The following CDCA4 variants were observed in gnomAD, a reference collection of about 807,000 sequenced individuals.
The protein encoded by CDCA4 is cell division cycle associated 4, also known as cell division cycle-associated protein 4.
For synonymous variants in CDCA4, 130 were observed against 137.0 expected (o/e 0.95, Z 0.36); for missense variants, 294 against 322.1 (o/e 0.91, Z 0.67).
chr14:105,015,811 T>G (rs529549982), intron 1 of CDCA4, among the ~76,000 whole-genome samples: 9 of 152,214 alleles, frequency 5.9e-5, no homozygotes, highest in African/African-American at 1.9e-4. Context: ...ATTACAAGGG[T>G]GTACCACCAG....
chr14:105,020,618 C>A (rs1410177001), intron 1 of CDCA4, among the ~76,000 whole-genome samples: 1 of 152,220 alleles, frequency 6.6e-6, no homozygotes, highest in Non-Finnish European at 1.5e-5. Flanking sequence ...CCTGGCGTTC[C>A]CTCCGCTGCA....
At chr14:105,016,343 T>C (rs1165795130) in intron 1 of CDCA4, among the ~76,000 whole-genome samples, 2 of 152,192 alleles carry the variant, frequency 1.3e-5, no homozygotes, top group Non-Finnish European at 2.9e-5. Context: ...CTACTGACAA[T>C]TTTCCCAATC....
At chr14:105,015,825 T>C (rs1900637867) in intron 1 of CDCA4, among the ~76,000 whole-genome samples, 1 of 152,216 alleles carries the variant, frequency 6.6e-6, no homozygotes, top group African/African-American at 2.4e-5. Context: ...CCACCAGGCC[T>C]GGCTAATTTT....
chr14:105,012,740 C>G (rs1026977737), intron 1 of CDCA4, among the ~76,000 whole-genome samples: 7 of 152,192 alleles, frequency 4.6e-5, no homozygotes, highest in Admixed American at 2.0e-4. Flanking sequence ...TTGGCTCCCC[C>G]CACCCGCCCC....
At chr14:105,013,824 G>C in intron 1 of CDCA4, among the ~76,000 whole-genome samples, 1 of 152,100 alleles carries the variant, frequency 6.6e-6, no homozygotes. Context: ...TGACCTCTTG[G>C]GCATTTATCC....
At position 105,010,784 on chromosome 14, in the gene CDCA4, A is replaced by G. The variant is rs1595451622; in HGVS notation, c.*420T>C. The G allele has an allele frequency of 1.2e-5, 2 of 167,350 alleles. No individual in the cohort carries two copies. The highest frequency in any genetic ancestry group is 4.7e-5 in the African/African-American group (2 of 42,156). The allele number at this position is 167,350 out of a possible 1,614,324, so 10.4% of individuals were successfully genotyped here. A position where few individuals can be genotyped will look rare whatever the true frequency, so the allele number is the denominator to read the frequency against. On this transcript the variant is annotated 3_prime_UTR_variant, in exon 2 of 2. Coordinates refer to ENST00000336219, the MANE Select transcript of CDCA4 (RefSeq NM_017955.4). ...TACTTTTAAGAAAATAGCTGAAAAAATCTAAAGAGATAAGGTATAAAAAGT... is the reference window on the plus strand; with the variant it reads ...TACTTTTAAGAAAATAGCTGAAAAAGTCTAAAGAGATAAGGTATAAAAAGT...
rs1221840604 is a variant in CDCA4, at chr14:105,010,387, A to G, written c.*817T>C. 6.6e-6 allele frequency: 1 copy of G among 152,324 alleles called. No individual in the cohort carries two copies. Among genetic ancestry groups the G allele is most frequent in the Non-Finnish European group, 1.5e-5 (1 of 68,044 alleles). 9.4% of individuals were successfully genotyped at this position (152,324 alleles called of 1,614,324 possible). A position where few individuals can be genotyped will look rare whatever the true frequency, so the allele number is the denominator to read the frequency against. On this transcript the variant is annotated 3_prime_UTR_variant, in exon 2 of 2. Coordinates refer to ENST00000336219, the MANE Select transcript of CDCA4 (RefSeq NM_017955.4). ...GGGGCTATGAGGTCCCTGAAGACCA[A>G]CTGGTGCCTGTGATCTACAAACAGA... is the stretch of plus-strand genomic sequence containing the variant.
chr14:105,020,586 C>T (rs1886204327), intron 1 of CDCA4, among the ~76,000 whole-genome samples: 2 of 152,330 alleles, frequency 1.3e-5, no homozygotes, highest in Admixed American at 1.3e-4. Context: ...GGCCGGGCTC[C>T]GACAGAGGGG....
At chr14:105,020,255 G>A (rs1472582379) in intron 1 of CDCA4, among the ~76,000 whole-genome samples, 1 of 152,244 alleles carries the variant, frequency 6.6e-6, no homozygotes, top group African/African-American at 2.4e-5. Context: ...TTTGTGAACA[G>A]GCAATGTTTT....
chr14:105,011,192 C>T lies in CDCA4; in HGVS notation c.*12G>A, dbSNP rs757295904. 1.9e-6 allele frequency: 3 copies of T among 1,596,084 alleles called. No homozygotes were observed. Among genetic ancestry groups the T allele is most frequent in the Non-Finnish European group, 8.5e-7 (1 of 1,170,874 alleles). The stretch of plus-strand genomic sequence containing the variant: ...TGCGTCAGAGGCGGCTGTGAGCACT[C>T]AGGGCTCCTGCTCAGGTCTCCACCA... On this transcript the variant is annotated 3_prime_UTR_variant, in exon 2 of 2. Coordinates refer to ENST00000336219, the MANE Select transcript of CDCA4 (RefSeq NM_017955.4).
At chr14:105,014,097 A>G (rs1900580266) in intron 1 of CDCA4, among the ~76,000 whole-genome samples, 1 of 152,164 alleles carries the variant, frequency 6.6e-6, no homozygotes, top group South Asian at 2.1e-4. Context: ...ATGGGATCCC[A>G]TTTATGCCAC....
At position 105,015,857 on chromosome 14, in the gene CDCA4, C is replaced by G. The variant is rs556178336; in HGVS notation, c.-6-3922G>C. Among the ~76,000 whole-genome samples, 5 of 152,278 alleles carry G rather than the reference C, an allele frequency of 3.3e-5. No individual in the cohort carries two copies. In the South Asian group the frequency reaches 1.0e-3, roughly 32 times the overall value. ...TTTTTATATTTTCAGTAGAGACTTA[C>G]CATGTTGGTCAGGCTGGTCTCAAAA... On this transcript the variant is annotated intron_variant, in intron 1 of 1. Transcript: ENST00000336219.
intron 1 of CDCA4, among the ~76,000 whole-genome samples, chr14:105,015,013 C>A (rs538339979): frequency 6.6e-5 from 10 of 152,166 alleles, no homozygotes; most frequent in Admixed American, 6.5e-4. Context: ...CTGAGCAGGG[C>A]AATCAGGGCA....
At chr14:105,012,024 A>G (rs1900520170) in intron 1 of CDCA4, 89 bp from the exon 2 acceptor site, 1 of 1,452,372 alleles carries the variant, frequency 6.9e-7, no homozygotes, top group African/African-American at 1.4e-5. Flanking sequence ...CCCTCACTGT[A>G]CGCAAGGAGC....
chr14:105,009,798 C>G lies in CDCA4; in HGVS notation c.*1406G>C, dbSNP rs952774831. The G allele has an allele frequency of 6.6e-6, 1 of 152,088 alleles. No individual in the cohort carries two copies. The highest frequency in any genetic ancestry group is 2.1e-4 in the South Asian group (1 of 4,828). The allele number at this position is 152,088 out of a possible 1,614,324, so 9.4% of individuals were successfully genotyped here. A position where few individuals can be genotyped will look rare whatever the true frequency, so the allele number is the denominator to read the frequency against. On this transcript the variant is annotated 3_prime_UTR_variant, in exon 2 of 2. Transcript: ENST00000336219. ...CTGTGGGGGGGGGAAATAAAAGTAA[C>G]CCAGCGTCCATTTAATGCAGCCAAG...
chr14:105,019,339 G>A (rs911601805), intron 1 of CDCA4, among the ~76,000 whole-genome samples: 1 of 152,152 alleles, frequency 6.6e-6, no homozygotes, highest in South Asian at 2.1e-4. Context: ...GTACAGCTCG[G>A]GGACTGGTCC....
chr14:105,020,839 C>G (rs921718599), intron 1 of CDCA4, among the ~76,000 whole-genome samples, 160 bp downstream of exon 1: 1 of 151,784 alleles, frequency 6.6e-6, no homozygotes, highest in Non-Finnish European at 1.5e-5. Flanking sequence ...GCGGCGAGGG[C>G]GCCGCGGCAG....
At chr14:105,018,588 A>C (rs1481788491) in intron 1 of CDCA4, among the ~76,000 whole-genome samples, 2 of 152,094 alleles carry the variant, frequency 1.3e-5, no homozygotes, top group Non-Finnish European at 2.9e-5. Context: ...CATGGTCTTA[A>C]CCAGCCCCGA....
chr14:105,011,058 C>T lies in CDCA4; in HGVS notation c.*146G>A. 1 of 981,484 alleles carries T rather than the reference C, an allele frequency of 1.0e-6. No individual in the cohort carries two copies. Among genetic ancestry groups the T allele is most frequent in the Admixed American group, 2.9e-5 (1 of 34,438 alleles). The allele number at this position is 981,484 out of a possible 1,614,324, so 60.8% of individuals were successfully genotyped here. On this transcript the variant is annotated 3_prime_UTR_variant, in exon 2 of 2. Transcript: ENST00000336219. ...TGGGACGGGCCTAGGGCTGCAGCCC[C>T]ACTGGTAATGGGCTGTTCTGGGATT...
Sources: gnomAD v4.1 joint callset for allele counts (sites outside exome capture counted in the v4.1 genomes callset) on GRCh38, gnomAD v4.1.1 for gene constraint, MANE v1.5 for transcripts, NCBI Gene and HGNC (gene_info 2026-07-23, HGNC 2026-07-21) for gene names.